WDR7: variants seen among roughly 807,000 people sequenced by gnomAD.
WDR7 encodes WD repeat domain 7, also known as WD repeat-containing protein 7.
In WDR7, 46 loss-of-function variants were observed where a neutral mutation model predicts 169.4. That is an observed-to-expected ratio of 0.27 (90% CI 0.21 to 0.35). WDR7 has a LOEUF of 0.35. WDR7 is among the 10% of genes least tolerant of loss of function. The pLI is 1.00. For synonymous variants in WDR7, 612 were observed against 666.8 expected (o/e 0.92, Z 1.27); for missense variants, 1,534 against 1,859.3 (o/e 0.83, Z 3.22).
At chr18:57,035,945 T>TA in the WDR7 span, 1 of 152,218 alleles carries the variant, frequency 6.6e-6, no homozygotes, top group Non-Finnish European at 1.5e-5. Context: ...GCCTGGTTTG[T>TA]AAACCCAAAT....
At chr18:56,721,061 A>T (rs1174206950) in intron 13 of WDR7, among the ~76,000 whole-genome samples, 1 of 152,050 alleles carries the variant, frequency 6.6e-6, no homozygotes, top group African/African-American at 2.4e-5. Context: ...AATAAATAAA[A>T]AATGAAGCTA....
At chr18:56,774,824 T>C (rs2044216020) in intron 16 of WDR7, among the ~76,000 whole-genome samples, 1 of 152,112 alleles carries the variant, frequency 6.6e-6, no homozygotes, top group East Asian at 1.9e-4. Flanking sequence ...ATCTGATTCT[T>C]TGATTTCTAT....
At chr18:56,988,129 T>C (rs2047751669) in intron 26 of WDR7, among the ~76,000 whole-genome samples, 1 of 152,186 alleles carries the variant, frequency 6.6e-6, no homozygotes, top group African/African-American at 2.4e-5. Context: ...GTATCATTCA[T>C]CTTAGGTACT....
At chr18:56,845,721 T>TGG (rs1186141175) in intron 20 of WDR7, among the ~76,000 whole-genome samples, 4 of 152,194 alleles carry the variant, frequency 2.6e-5, no homozygotes, top group African/African-American at 9.6e-5. Context: ...CAATTTAAAA[T>TGG]GGATTAGCTT....
rs147257837 is a variant in WDR7, at chr18:57,012,232, C to T, written c.4165-8513C>T. ...TCACTGTGACAGTGGGCCAGTGGAC[C>T]CTGCCTCACCCCACACGAAGGCAGG... is the stretch of plus-strand genomic sequence containing the variant. On this transcript the variant is annotated intron_variant, in intron 26 of 27. Coordinates refer to ENST00000254442, the MANE Select transcript of WDR7 (RefSeq NM_015285.3). Among the ~76,000 whole-genome samples the T allele has an allele frequency of 5.5e-4, 84 of 152,192 alleles. 1 individual carries two copies. In the East Asian group the frequency reaches 0.015, roughly 27 times the overall value.
intron 19 of WDR7, among the ~76,000 whole-genome samples, chr18:56,804,057 A>G (rs939394036): frequency 6.6e-6 from 1 of 152,172 alleles, no homozygotes; most frequent in Non-Finnish European, 1.5e-5. Flanking sequence ...CAGCCTCCCA[A>G]AGTGCTGGGA....
At chr18:56,744,245 G>GAAAAAAAAAA (rs58110613) in intron 14 of WDR7, among the ~76,000 whole-genome samples, 9 of 86,878 alleles carry the variant, frequency 1.0e-4, no homozygotes, top group South Asian at 4.7e-4. Context: ...TCTCAAAAAA[G>GAAAAAAAAAA]AAAAAAAAAA....
At chr18:56,816,496 A>T (rs1381091524) in intron 20 of WDR7, among the ~76,000 whole-genome samples, 1 of 152,200 alleles carries the variant, frequency 6.6e-6, no homozygotes, top group East Asian at 1.9e-4. Context: ...ACTATCAGGT[A>T]AACTAAAAAA....
chr18:56,700,304 T>C (rs1021698188), intron 12 of WDR7, among the ~76,000 whole-genome samples: 1 of 126,316 alleles, frequency 7.9e-6, no homozygotes, highest in African/African-American at 2.8e-5. Flanking sequence ...GTTGCCAGGC[T>C]GGAGTGCAGT....
chr18:56,984,422 A>G (rs1338169717), intron 26 of WDR7, among the ~76,000 whole-genome samples: 2 of 152,232 alleles, frequency 1.3e-5, no homozygotes, highest in Non-Finnish European at 2.9e-5. Context: ...TTCAAATATA[A>G]TTCACACTTT....
chr18:56,795,431 C>G (rs1320200646), intron 19 of WDR7, among the ~76,000 whole-genome samples: 1 of 152,190 alleles, frequency 6.6e-6, no homozygotes, highest in Non-Finnish European at 1.5e-5. Context: ...TGCACACTTT[C>G]ATTTGAATCT....
chr18:56,686,788 A>T, intron 6 of WDR7, 67 bp from the exon 7 acceptor site: 1 of 1,338,474 alleles, frequency 7.5e-7, no homozygotes, highest in South Asian at 1.2e-5. Flanking sequence ...TGTTGCCTTT[A>T]TCATTGTGTG....
intron 8 of WDR7, 130 bp from the exon 9 acceptor site, chr18:56,691,585 A>C: frequency 1.1e-6 from 1 of 888,160 alleles, no homozygotes; most frequent in Non-Finnish European, 1.6e-6. Context: ...ATTTAATTTA[A>C]TGCCTGCATT....
chr18:56,679,434 A>G lies in WDR7; in HGVS notation c.262A>G (p.Ser88Gly). 6.2e-7 allele frequency: 1 copy of G among 1,600,272 alleles called. No homozygotes were observed. Among genetic ancestry groups the G allele is most frequent in the Non-Finnish European group, 8.6e-7 (1 of 1,168,992 alleles). Residue 88 changes from serine (S) to glycine (G), a missense_variant, in exon 3 of 28, where the codon AGT (serine) becomes GGT (glycine). Physicochemically the swap from Ser to Gly is moderately conservative, Grantham distance 56. Coordinates refer to ENST00000254442, the MANE Select transcript of WDR7 (RefSeq NM_015285.3). ...ACAGTATATTGTGAGTGCATCTGAAAGTGGGTAAGTATTTTCTCATTTGCC... is the reference window on the plus strand; with the variant it reads ...ACAGTATATTGTGAGTGCATCTGAAGGTGGGTAAGTATTTTCTCATTTGCC... ...DKQYIVSASE[S>G]GEMCLWDVSD...
At chr18:56,735,193 G>A (rs1178661138) in intron 14 of WDR7, among the ~76,000 whole-genome samples, 3 of 152,130 alleles carry the variant, frequency 2.0e-5, no homozygotes, top group African/African-American at 7.2e-5. Flanking sequence ...ATTAGGCCCT[G>A]GAAATGTGGA....
chr18:56,994,529 C>T (rs936526083), intron 26 of WDR7, among the ~76,000 whole-genome samples: 2 of 152,086 alleles, frequency 1.3e-5, no homozygotes, highest in African/African-American at 4.8e-5. Context: ...CACATAAGTC[C>T]TGGGAATTTT....
intron 19 of WDR7, among the ~76,000 whole-genome samples, chr18:56,784,724 A>T (rs2044369593): frequency 6.6e-6 from 1 of 152,212 alleles, no homozygotes; most frequent in Non-Finnish European, 1.5e-5. Context: ...GGGTCTGGTC[A>T]CTGTTTAAGT....
chr18:56,885,900 A>T (rs2046185651), intron 21 of WDR7, among the ~76,000 whole-genome samples: 1 of 152,078 alleles, frequency 6.6e-6, no homozygotes, highest in South Asian at 2.1e-4. Context: ...AACAAAGACA[A>T]AATAATTTTA....
intron 26 of WDR7, among the ~76,000 whole-genome samples, chr18:57,017,497 G>GTT (rs2048224851): frequency 1.3e-5 from 2 of 151,124 alleles, no homozygotes; most frequent in East Asian, 3.9e-4. Context: ...GTGTGTGTGT[G>GTT]TGTGTGTGTG....
Sources: allele counts gnomAD v4.1 joint callset (sites outside exome capture counted in the v4.1 genomes callset), GRCh38; gene constraint gnomAD v4.1.1; transcripts MANE v1.5; gene names NCBI Gene and HGNC (gene_info 2026-07-23, HGNC 2026-07-21).